ME3: variants seen among roughly 807,000 people sequenced by gnomAD.
The protein encoded by ME3 is malic enzyme 3.
Under a neutral mutation model 68.9 loss-of-function variants are expected in ME3, and 48 were observed. That is an observed-to-expected ratio of 0.70 (90% CI 0.55 to 0.89). The LOEUF (loss-of-function observed/expected upper bound fraction) is 0.89, where lower values mean the gene tolerates loss of function less well. ME3 is among the 40% of genes least tolerant of loss of function. ME3 has a pLI of 0.00. For missense variants in ME3, 675 were observed against 797.4 expected, an observed-to-expected ratio of 0.85 and a Z score of 1.85; for synonymous variants, 320 against 318.8, an observed-to-expected ratio of 1.00 and a Z score of -0.04.
At chr11:86,477,444 G>A (rs1951144117) in intron 7 of ME3, among the ~76,000 whole-genome samples, 1 of 150,822 alleles carries the variant, frequency 6.6e-6, no homozygotes, top group Admixed American at 6.6e-5. Context: ...TCTGCTTATG[G>A]TAAGCAATTA....
chr11:86,575,807 A>G (rs1425997801), intron 2 of ME3, among the ~76,000 whole-genome samples: 1 of 152,232 alleles, frequency 6.6e-6, no homozygotes, highest in Non-Finnish European at 1.5e-5. Context: ...ATGCTAGTAC[A>G]TAGGTACTTT....
chr11:86,650,077 A>C (rs757912780), intron 2 of ME3, among the ~76,000 whole-genome samples: 4 of 152,156 alleles, frequency 2.6e-5, no homozygotes, highest in Non-Finnish European at 5.9e-5. Flanking sequence ...GCTACAGTAA[A>C]CAAAACAGCT....
rs1015882698 is a variant in ME3 at position 86,477,804 on chromosome 11, C to T, written c.809+9533G>A. Among the ~76,000 whole-genome samples, 3 of 152,044 alleles carry T rather than the reference C, an allele frequency of 2.0e-5. No homozygotes were observed. In the East Asian group the frequency reaches 5.8e-4, roughly 29 times the overall value. On this transcript the variant is annotated intron_variant, in intron 7 of 14. Coordinates refer to ENST00000543262, the Ensembl canonical transcript of ME3. Reference sequence around the variant, plus strand: ...TTGGTGCGATGGAAGTGAAAATGTCCTAGAGAGTTGGGTGCTAGTATGCAT... The same window carrying T: ...TTGGTGCGATGGAAGTGAAAATGTCTTAGAGAGTTGGGTGCTAGTATGCAT...
intron 2 of ME3, among the ~76,000 whole-genome samples, chr11:86,646,654 C>A (rs1463000573): frequency 2.0e-5 from 3 of 152,132 alleles, no homozygotes; most frequent in Admixed American, 6.6e-5. Context: ...GAGAACTTCC[C>A]CAACTTAACA....
intron 2 of ME3, among the ~76,000 whole-genome samples, chr11:86,644,274 A>G (rs972066944): frequency 1.3e-5 from 2 of 152,130 alleles, no homozygotes; most frequent in African/African-American, 4.8e-5. Flanking sequence ...ACTAGCCTCT[A>G]ACTGGTCTTG....
intron 2 of ME3, among the ~76,000 whole-genome samples, chr11:86,627,532 T>C (rs1943738623): frequency 6.6e-6 from 1 of 152,218 alleles, no homozygotes; most frequent in Non-Finnish European, 1.5e-5. Flanking sequence ...TGCCCAAGAC[T>C]GTGAATATAA....
intron 6 of ME3, among the ~76,000 whole-genome samples, chr11:86,496,017 C>A (rs1952306720): frequency 6.6e-6 from 1 of 152,196 alleles, no homozygotes; most frequent in African/African-American, 2.4e-5. Context: ...TAAGCAAGGT[C>A]TGCCCACCGT....
At position 86,650,282 on chromosome 11, in the gene ME3, C is replaced by A. The variant is rs553964339; in HGVS notation, c.183+21480G>T. On this transcript the variant is annotated intron_variant, in intron 2 of 14. Transcript: ENST00000543262. The stretch of plus-strand genomic sequence containing the variant: ...GCAGAAAACTGAAACTGGACCCCTT[C>A]CTTATACCTTATACAAAAATTAACT... Among the ~76,000 whole-genome samples, 3 of 152,228 alleles carry A rather than the reference C, an allele frequency of 2.0e-5. No homozygotes were observed. In the East Asian group the frequency reaches 5.8e-4, roughly 29 times the overall value.
intron 2 of ME3, among the ~76,000 whole-genome samples, chr11:86,645,276 C>A (rs372713320): frequency 3.9e-5 from 6 of 152,148 alleles, no homozygotes; most frequent in African/African-American, 1.4e-4. Flanking sequence ...TCATCAGATC[C>A]CACCCCCACA....
chr11:86,571,228 A>G (rs1957771587), intron 2 of ME3, among the ~76,000 whole-genome samples: 2 of 152,240 alleles, frequency 1.3e-5, no homozygotes, highest in Admixed American at 1.3e-4. Context: ...TTGATACAGG[A>G]TAAGTATTCA....
chr11:86,559,346 T>A (rs1055349995), intron 3 of ME3, among the ~76,000 whole-genome samples: 3 of 152,112 alleles, frequency 2.0e-5, no homozygotes, highest in African/African-American at 7.2e-5. Flanking sequence ...TCCCTCTCAG[T>A]GAAATGTTCT....
intron 2 of ME3, among the ~76,000 whole-genome samples, chr11:86,568,343 T>C (rs1414256605): frequency 6.6e-6 from 1 of 152,156 alleles, no homozygotes; most frequent in Non-Finnish European, 1.5e-5. Flanking sequence ...TAACAACCAA[T>C]GGGTTAATGT....
At chr11:86,599,625 GAACAAC>G (rs1960230457) in intron 2 of ME3, among the ~76,000 whole-genome samples, 1 of 152,148 alleles carries the variant, frequency 6.6e-6, no homozygotes, top group South Asian at 2.1e-4. Context: ...TCCTTGAGAA[GAACAAC>G]TCCAAGACAC....
chr11:86,623,635 T>G (rs1943481970), intron 2 of ME3, among the ~76,000 whole-genome samples: 1 of 152,230 alleles, frequency 6.6e-6, no homozygotes, highest in Non-Finnish European at 1.5e-5. Context: ...GGCTTCATAC[T>G]GTTTAAGGCT....
At chr11:86,557,366 C>G (rs1334720064) in intron 3 of ME3, among the ~76,000 whole-genome samples, 2 of 152,120 alleles carry the variant, frequency 1.3e-5, no homozygotes, top group African/African-American at 4.8e-5. Context: ...GAGAGAAAAC[C>G]TAGGGGTTGA....
chr11:86,663,884 G>A (rs1329643512), intron 2 of ME3, among the ~76,000 whole-genome samples: 1 of 152,210 alleles, frequency 6.6e-6, no homozygotes, highest in Non-Finnish European at 1.5e-5. Context: ...GATGTCAGTT[G>A]GCCCAGGTCT....
chr11:86,567,243 A>AAAAGGAAGGAAGGAAGG (rs1437097148), intron 2 of ME3, among the ~76,000 whole-genome samples: 25 of 144,462 alleles, frequency 1.7e-4, no homozygotes, highest in Non-Finnish European at 2.1e-4. Context: ...GAAAAGAAAG[A>AAAAGGAAGGAAGGAAGG]AAGGAAGGAA....
intron 2 of ME3, among the ~76,000 whole-genome samples, chr11:86,629,453 TC>T (rs1943876511): frequency 6.6e-6 from 1 of 152,048 alleles, no homozygotes; most frequent in Non-Finnish European, 1.5e-5. Context: ...GTTTAGACCC[TC>T]CCCCTCCCCC....
At chr11:86,585,595 T>G (rs575816373) in intron 2 of ME3, among the ~76,000 whole-genome samples, 21 of 152,198 alleles carry the variant, frequency 1.4e-4, no homozygotes, top group Admixed American at 2.0e-4. Context: ...AAGTTTTACT[T>G]TATATACATT....
Sources: gnomAD v4.1 joint callset for allele counts (sites outside exome capture counted in the v4.1 genomes callset) on GRCh38, gnomAD v4.1.1 for gene constraint, MANE v1.5 for transcripts, NCBI Gene and HGNC (gene_info 2026-07-23, HGNC 2026-07-21) for gene names.